ADGRD1: variants seen among roughly 807,000 people sequenced by gnomAD.
ADGRD1 encodes adhesion G protein-coupled receptor D1, also known as G-protein coupled receptor 133.
Under a neutral mutation model 113.4 loss-of-function variants are expected in ADGRD1, and 77 were observed. That is an observed-to-expected ratio of 0.68 (90% CI 0.57 to 0.82). The LOEUF (loss-of-function observed/expected upper bound fraction) is 0.82, where lower values mean the gene tolerates loss of function less well. Among genes scored for constraint, ADGRD1 ranks in the 40% least tolerant of loss-of-function variants. The pLI is 0.00. For synonymous variants in ADGRD1, 474 were observed against 475.0 expected, an observed-to-expected ratio of 1.00 and a Z score of 0.03; for missense variants, 1,036 against 1,139.1, an observed-to-expected ratio of 0.91 and a Z score of 1.30.
chr12:131,087,649 T>C (rs1240728445), intron 15 of ADGRD1, among the ~76,000 whole-genome samples: 1 of 152,062 alleles, frequency 6.6e-6, no homozygotes, highest in African/African-American at 2.4e-5. Context: ...CGCCAGATAA[T>C]CCCGAGGGGA....
intron 15 of ADGRD1, among the ~76,000 whole-genome samples, chr12:131,090,989 T>A (rs946455655): frequency 2.0e-5 from 3 of 152,160 alleles, no homozygotes; most frequent in Non-Finnish European, 4.4e-5. Context: ...TTCTAACTTC[T>A]CCTGCTGAGT....
chr12:131,020,367 C>T (rs1310850860), intron 13 of ADGRD1, among the ~76,000 whole-genome samples: 5 of 150,380 alleles, frequency 3.3e-5, no homozygotes, highest in Admixed American at 2.0e-4. Context: ...GAGGGTGCTT[C>T]AGGGAGATGT....
At chr12:130,995,682 AT>A (rs1368777651) in intron 8 of ADGRD1, among the ~76,000 whole-genome samples, 1 of 152,010 alleles carries the variant, frequency 6.6e-6, no homozygotes, top group South Asian at 2.1e-4. Flanking sequence ...CCAGACCTGG[AT>A]TTTTAAAATG....
At chr12:131,077,238 AAG>A (rs1182689022) in intron 14 of ADGRD1, among the ~76,000 whole-genome samples, 1 of 112,336 alleles carries the variant, frequency 8.9e-6, no homozygotes, top group Non-Finnish European at 1.8e-5. Flanking sequence ...GCAGCTGAGG[AAG>A]GGGGTTGGGG....
At chr12:131,137,844 C>CCCCCCCCCTCT in intron 23 of ADGRD1, 1 of 185,976 alleles carries the variant, frequency 5.4e-6, no homozygotes, top group Non-Finnish European at 1.1e-5. Flanking sequence ...GCCCACCACG[C>CCCCCCCCCTCT]ATTTGTTTAT....
intron 8 of ADGRD1, among the ~76,000 whole-genome samples, chr12:131,000,156 G>C (rs1290592686): frequency 6.6e-6 from 1 of 152,204 alleles, no homozygotes; most frequent in East Asian, 1.9e-4. Flanking sequence ...TTCCGGTGCT[G>C]GTCACTGACT....
chr12:131,101,377 C>CTTTTTTTTTTTTTTTTTTTTTTTTTTTTT lies in ADGRD1; in HGVS notation c.1672-3427_1672-3426insTTTTTTTTTTTTTTTTTTTTTTTTTTTTT, dbSNP rs71095334. Among the ~76,000 whole-genome samples the CTTTTTTTTTTTTTTTTTTTTTTTTTTTTT allele has an allele frequency of 8.0e-4, 29 of 36,148 alleles. 2 individuals are homozygous for CTTTTTTTTTTTTTTTTTTTTTTTTTTTTT. Among genetic ancestry groups the CTTTTTTTTTTTTTTTTTTTTTTTTTTTTT allele is most frequent in the Non-Finnish European group, 9.1e-4 (18 of 19,764 alleles). The allele number at this position is 36,148 out of a possible 152,430, so 23.7% of individuals were successfully genotyped here. A position where few individuals can be genotyped will look rare whatever the true frequency, so the allele number is the denominator to read the frequency against. ...TTATTTTTTTTCTTTTTCTTTCTTT[C>CTTTTTTTTTTTTTTTTTTTTTTTTTTTTT]TTTTTTTTTTTTTTTTTTTTTTTTT... On this transcript the variant is annotated intron_variant, in intron 15 of 24. Transcript: ENST00000261654.
At chr12:131,097,886 T>A (rs1887404780) in intron 15 of ADGRD1, among the ~76,000 whole-genome samples, 1 of 152,206 alleles carries the variant, frequency 6.6e-6, no homozygotes, top group Admixed American at 6.5e-5. Context: ...CTCACCCTGC[T>A]CTCTGCCCTA....
At chr12:131,059,953 C>G (rs1448874566) in intron 13 of ADGRD1, among the ~76,000 whole-genome samples, 1 of 152,174 alleles carries the variant, frequency 6.6e-6, no homozygotes, top group Admixed American at 6.5e-5. Flanking sequence ...TCAGTTGCAT[C>G]CTGGACACTT....
chr12:131,009,482 G>A (rs1420869090), intron 12 of ADGRD1, among the ~76,000 whole-genome samples: 3 of 152,202 alleles, frequency 2.0e-5, no homozygotes, highest in South Asian at 2.1e-4. Context: ...AGAGCATCTT[G>A]TAGGGTCCTC....
chr12:131,002,801 T>TG, intron 9 of ADGRD1: 1 of 1,237,092 alleles, frequency 8.1e-7, no homozygotes, highest in Non-Finnish European at 1.0e-6. Context: ...AGAGTGGACC[T>TG]GGGGGCGATC....
At chr12:131,085,443 C>T (rs1252247544) in intron 15 of ADGRD1, among the ~76,000 whole-genome samples, 1 of 152,112 alleles carries the variant, frequency 6.6e-6, no homozygotes. Context: ...GGAGCAGGCT[C>T]GGCTCCAGCA....
intron 15 of ADGRD1, among the ~76,000 whole-genome samples, chr12:131,104,024 G>A (rs1257172800): frequency 6.6e-6 from 1 of 152,208 alleles, no homozygotes; most frequent in Non-Finnish European, 1.5e-5. Context: ...TTGTGCGGTC[G>A]GTGAACTGCG....
intron 13 of ADGRD1, among the ~76,000 whole-genome samples, chr12:131,034,724 G>C (rs1881182225): frequency 6.6e-6 from 1 of 152,096 alleles, no homozygotes; most frequent in Non-Finnish European, 1.5e-5. Flanking sequence ...CCCCTCGCTG[G>C]GCAGGGTGGG....
At position 131,057,182 on chromosome 12, in the gene ADGRD1, TAA is replaced by T. The variant is rs1351369120; in HGVS notation, c.1474-19617_1474-19616del. On this transcript the variant is annotated intron_variant, in intron 13 of 24. Transcript: ENST00000261654. The surrounding 1 kb of genome is among the most constrained non-coding windows in gnomAD (Gnocchi z 4.2). ...TAATCACAGGCTACCCCCGCTGTGA[TAA>T]ACAGGTTTGAAGAACTGCACGGAAC... Among the ~76,000 whole-genome samples the T allele has an allele frequency of 6.6e-6, 1 of 152,248 alleles. No individual in the cohort carries two copies. The highest frequency in any genetic ancestry group is 1.5e-5 in the Non-Finnish European group (1 of 68,054).
Position 131,084,861 on chromosome 12 carries a change from C to A in ADGRD1, c.1671+198C>A, listed in dbSNP as rs918967181. Reference sequence around the variant, plus strand: ...GCATGTATTGGGTGCCAGCAAATATCCGAGGAGCCCATGATTGTGTAAATC... The same window carrying A: ...GCATGTATTGGGTGCCAGCAAATATACGAGGAGCCCATGATTGTGTAAATC... On this transcript the variant is annotated intron_variant, in intron 15 of 24. Coordinates refer to ENST00000261654, the MANE Select transcript of ADGRD1 (RefSeq NM_198827.5). The surrounding 1 kb of genome is among the most constrained non-coding windows in gnomAD (Gnocchi z 4.5). 6.6e-6 allele frequency among the ~76,000 whole-genome samples: 1 copy of A among 152,192 alleles called. No homozygotes were observed. Among genetic ancestry groups the A allele is most frequent in the Non-Finnish European group, 1.5e-5 (1 of 68,030 alleles).
At chr12:131,130,552 G>A (rs1021009742) in intron 20 of ADGRD1, among the ~76,000 whole-genome samples, 51 of 152,240 alleles carry the variant, frequency 3.3e-4, no homozygotes, top group African/African-American at 1.1e-3. Flanking sequence ...GGGCTCGGGA[G>A]CTGCGCGAGG....
chr12:131,128,612 T>C (rs988956302), intron 20 of ADGRD1, among the ~76,000 whole-genome samples: 1 of 152,240 alleles, frequency 6.6e-6, no homozygotes, highest in Non-Finnish European at 1.5e-5. Context: ...TGTCTGCCTA[T>C]GTATGTTTTT....
At chr12:131,036,798 G>A (rs1881491850) in intron 13 of ADGRD1, among the ~76,000 whole-genome samples, 1 of 137,386 alleles carries the variant, frequency 7.3e-6, no homozygotes, top group African/African-American at 2.8e-5. Context: ...ACGGCACTGG[G>A]TCTCACTCAC....
Sources: gnomAD v4.1 joint callset for allele counts (sites outside exome capture counted in the v4.1 genomes callset) on GRCh38, gnomAD v4.1.1 for gene constraint, Gnocchi (gnomAD v3.1) non-coding constraint, MANE v1.5 for transcripts, NCBI Gene and HGNC (gene_info 2026-07-23, HGNC 2026-07-21) for gene names.